GLG1: variants seen among roughly 807,000 people sequenced by gnomAD.
GLG1 encodes golgi glycoprotein 1, also known as Golgi apparatus protein 1.
In GLG1, 38 loss-of-function variants were observed where a neutral mutation model predicts 160.5. That is an observed-to-expected ratio of 0.24 (90% CI 0.18 to 0.31). GLG1 has a LOEUF of 0.31. GLG1 is among the 10% of genes least tolerant of loss of function. The pLI is 1.00. For synonymous variants in GLG1, 644 were observed against 543.4 expected (o/e 1.19, Z -2.57); for missense variants, 1,373 against 1,505.2 (o/e 0.91, Z 1.45).
chr16:74,567,554 CTTTTTTT>C (rs869140658), intron 1 of GLG1, among the ~76,000 whole-genome samples: 6 of 66,474 alleles, frequency 9.0e-5, no homozygotes, highest in East Asian at 8.9e-4. Flanking sequence ...GGTGCACTTT[CTTTTTTT>C]TTTTTTTTTT....
Position 74,462,110 on chromosome 16 carries a change from A to G in GLG1, c.3020T>C (p.Leu1007Pro). 6.3e-7 allele frequency: 1 copy of G among 1,588,784 alleles called. No homozygotes were observed. The highest frequency in any genetic ancestry group is 8.6e-7 in the Non-Finnish European group (1 of 1,156,974). ...LDYRLDPQLQLHCSDEISSLC... is the reference protein window; with the variant it reads ...LDYRLDPQLQPHCSDEISSLC... Reference sequence around the variant, plus strand: ...AAATCCCACCTCGTCTGAGCAGTGCAGCTGGAGCTGAGGATCCAGGCGGTA... The same window carrying G: ...AAATCCCACCTCGTCTGAGCAGTGCGGCTGGAGCTGAGGATCCAGGCGGTA... The change falls in exon 22 of 26, where the codon CTG (leucine) becomes CCG (proline). Residue 1007 changes from leucine to proline, a missense_variant. Transcript: ENST00000422840.
intron 2 of GLG1, among the ~76,000 whole-genome samples, chr16:74,510,550 G>A (rs1220649599): frequency 2.0e-5 from 3 of 152,146 alleles, no homozygotes; most frequent in Non-Finnish European, 4.4e-5. Context: ...ACATGAAGAT[G>A]TATGTATATA....
At position 74,485,986 on chromosome 16, in the gene GLG1, T is replaced by A. The variant is rs1044719698; in HGVS notation, c.1450-69A>T. On this transcript the variant is annotated intron_variant, in intron 8 of 25. Transcript: ENST00000422840. ...GTGCTAGGTAAGAGCAGTGTCTTCA[T>A]ACATTCAGTTGCTCAGTCCTATTTA... The A allele has an allele frequency of 3.3e-6, 4 of 1,222,230 alleles. No homozygotes were observed. The African/African-American group carries it at 6.0e-5, about 18-fold the overall frequency. The allele number at this position is 1,222,230 out of a possible 1,614,324, so 75.7% of individuals were successfully genotyped here.
chr16:74,583,668 C>T (rs1414513317), intron 1 of GLG1, among the ~76,000 whole-genome samples: 2 of 152,168 alleles, frequency 1.3e-5, no homozygotes, highest in South Asian at 2.1e-4. Flanking sequence ...GAGTAAGCCA[C>T]GGCACCCAGC....
chr16:74,459,654 G>C (rs373516441), intron 23 of GLG1, 28 bp downstream of exon 23: 4 of 1,060,002 alleles, frequency 3.8e-6, no homozygotes, highest in Admixed American at 4.1e-5. Context: ...AAGAAATGAA[G>C]TGAGGAAAAG....
At chr16:74,565,687 A>C (rs1384528962) in intron 1 of GLG1, among the ~76,000 whole-genome samples, 3 of 152,170 alleles carry the variant, frequency 2.0e-5, no homozygotes, top group Non-Finnish European at 4.4e-5. Context: ...ATACACCAGC[A>C]CCAGAGTAGT....
At chr16:74,506,029 T>TAA (rs59306961) in intron 3 of GLG1, among the ~76,000 whole-genome samples, 24 of 92,500 alleles carry the variant, frequency 2.6e-4, no homozygotes, top group African/African-American at 2.9e-4. Flanking sequence ...GACTCCATCT[T>TAA]AAAAAAAAAA....
intron 2 of GLG1, among the ~76,000 whole-genome samples, chr16:74,518,108 A>T (rs1227207782): frequency 6.6e-6 from 1 of 152,220 alleles, no homozygotes; most frequent in Admixed American, 6.5e-5. Flanking sequence ...CAATATCGTG[A>T]AAATGGCCTT....
At chr16:74,522,911 T>C (rs573291092) in intron 2 of GLG1, among the ~76,000 whole-genome samples, 1 of 152,166 alleles carries the variant, frequency 6.6e-6, no homozygotes, top group East Asian at 1.9e-4. Context: ...TCTCAAACTC[T>C]GGGCTCATGC....
chr16:74,490,985 A>G lies in GLG1; in HGVS notation c.1449+16T>C. The G allele has an allele frequency of 6.3e-7, 1 of 1,576,618 alleles. No individual in the cohort carries two copies. Among genetic ancestry groups the G allele is most frequent in the Non-Finnish European group, 8.7e-7 (1 of 1,146,066 alleles). The stretch of plus-strand genomic sequence containing the variant: ...TAAATGTGACATTCAAAATGGCAAT[A>G]GCAATGTCTCCTTACCGCCTGCTGG... On this transcript the variant is annotated intron_variant, in intron 8 of 25. Transcript: ENST00000422840.
intron 10 of GLG1, among the ~76,000 whole-genome samples, chr16:74,480,724 G>C (rs1383884769): frequency 6.6e-6 from 1 of 151,774 alleles, no homozygotes; most frequent in East Asian, 1.9e-4. Context: ...GCTCTTTTTT[G>C]ATATTTTTGG....
Position 74,457,856 on chromosome 16 carries a change from G to A in GLG1, c.3265+18C>T, listed in dbSNP as rs1311806899. ...CAAGAGAGTTCAGACAGGATCAAGA[G>A]TGAACACAGAGACTTACGACGCCCG... On this transcript the variant is annotated intron_variant, in intron 24 of 25. Coordinates refer to ENST00000422840, the MANE Select transcript of GLG1 (RefSeq NM_001145667.2). The A allele has an allele frequency of 8.1e-6, 13 of 1,612,714 alleles. No homozygotes were observed. In the Admixed American group the frequency reaches 2.2e-4, roughly 27 times the overall value.
At chr16:74,484,659 G>A (rs983323242) in intron 9 of GLG1, among the ~76,000 whole-genome samples, 3 of 152,288 alleles carry the variant, frequency 2.0e-5, no homozygotes, top group Middle Eastern at 3.4e-3. Context: ...TACTCGGGAG[G>A]CTGAGCCAGG....
chr16:74,501,307 T>C (rs1044849567), intron 4 of GLG1, among the ~76,000 whole-genome samples: 3 of 152,182 alleles, frequency 2.0e-5, no homozygotes, highest in Non-Finnish European at 4.4e-5. Context: ...GTCCCCAAAA[T>C]ACAAGAAAGC....
intron 1 of GLG1, among the ~76,000 whole-genome samples, chr16:74,578,235 C>T (rs368203962): frequency 9.2e-5 from 14 of 152,170 alleles, no homozygotes; most frequent in East Asian, 3.9e-4. Flanking sequence ...AGGAAATGGA[C>T]GAAAATTGAT....
intron 1 of GLG1, among the ~76,000 whole-genome samples, chr16:74,565,474 A>C (rs2018629651): frequency 6.6e-6 from 1 of 152,224 alleles, no homozygotes; most frequent in Non-Finnish European, 1.5e-5. Context: ...ACTAGAAGAG[A>C]AAACAAACTG....
At chr16:74,580,754 A>G (rs976882562) in intron 1 of GLG1, among the ~76,000 whole-genome samples, 1 of 152,216 alleles carries the variant, frequency 6.6e-6, no homozygotes, top group African/African-American at 2.4e-5. Flanking sequence ...TTTGCAGGTC[A>G]TCTATCTGAT....
At chr16:74,585,004 A>G (rs1597372486) in intron 1 of GLG1, among the ~76,000 whole-genome samples, 1 of 152,142 alleles carries the variant, frequency 6.6e-6, no homozygotes, top group Non-Finnish European at 1.5e-5. Context: ...AATCACCACT[A>G]AAGAAAGAAC....
chr16:74,599,115 G>C (rs1325939881), intron 1 of GLG1, among the ~76,000 whole-genome samples: 1 of 152,020 alleles, frequency 6.6e-6, no homozygotes, highest in Non-Finnish European at 1.5e-5. Context: ...TTCTTAAAAA[G>C]TATTTGCCAT....
Sources: allele counts gnomAD v4.1 joint callset (sites outside exome capture counted in the v4.1 genomes callset), GRCh38; gene constraint gnomAD v4.1.1; transcripts MANE v1.5; gene names NCBI Gene and HGNC (gene_info 2026-07-23, HGNC 2026-07-21).